Variants in PGS1 observed in about 807,000 individuals in gnomAD.
PGS1 encodes the protein CDP-diacylglycerol--glycerol-3-phosphate 3-phosphatidyltransferase, mitochondrial.
In PGS1, 44 loss-of-function variants were observed where a neutral mutation model predicts 58.3. The ratio of observed to expected loss-of-function variants is 0.75; its 90% CI spans 0.59 to 0.97. The LOEUF (loss-of-function observed/expected upper bound fraction) is 0.97. Ranked by LOEUF, PGS1 falls within the 50% of genes least tolerant of loss-of-function variation. The pLI is 0.00. For missense variants in PGS1, 684 were observed against 731.1 expected, an observed-to-expected ratio of 0.94 and a Z score of 0.74; for synonymous variants, 330 against 311.0, an observed-to-expected ratio of 1.06 and a Z score of -0.64.
intron 7 of PGS1, among the ~76,000 whole-genome samples, chr17:78,406,197 A>C (rs1008199068): frequency 3.4e-4 from 52 of 152,178 alleles, no homozygotes; most frequent in Non-Finnish European, 7.4e-4. Context: ...GGGCGCCTGT[A>C]GTCCCAGCCA....
chr17:78,424,199 G>A lies in PGS1; in HGVS notation c.*149G>A, dbSNP rs1249464859. 1.9e-6 allele frequency: 3 copies of A among 1,568,422 alleles called. No individual in the cohort carries two copies. Among genetic ancestry groups the A allele is most frequent in the Non-Finnish European group, 2.6e-6 (3 of 1,158,660 alleles). ...AGGGTCAGGTGTGCTGCCAGTAAGTGAGGGAGGGGCTGGCAGGAAGGGTGG... is the reference window on the plus strand; with the variant it reads ...AGGGTCAGGTGTGCTGCCAGTAAGTAAGGGAGGGGCTGGCAGGAAGGGTGG... On this transcript the variant is annotated 3_prime_UTR_variant, in exon 10 of 10. Transcript: ENST00000262764.
chr17:78,398,065 T>G lies in PGS1; in HGVS notation c.412-187T>G, dbSNP rs374620646. 4.4e-4 allele frequency: 296 copies of G among 668,570 alleles called. No homozygotes were observed. In the East Asian group the frequency reaches 6.2e-3, roughly 14 times the overall value. The allele number at this position is 668,570 out of a possible 1,614,324, so 41.4% of individuals were successfully genotyped here. A position where few individuals can be genotyped will look rare whatever the true frequency, so the allele number is the denominator to read the frequency against. ...TGGGCCGATCAGGCCCCTGGGTGCT[T>G]CTTCTGATGATCATGAAGGTGCTCT... On this transcript the variant is annotated intron_variant, in intron 3 of 9. Transcript: ENST00000262764.
intron 6 of PGS1, among the ~76,000 whole-genome samples, chr17:78,402,189 C>T (rs901559388): frequency 1.6e-4 from 25 of 152,306 alleles, no homozygotes; most frequent in Admixed American, 1.6e-3. Flanking sequence ...GTAGCCCAGC[C>T]CTGAAAGGCA....
chr17:78,419,043 T>TG (rs2085457228), intron 8 of PGS1, among the ~76,000 whole-genome samples: 1 of 152,070 alleles, frequency 6.6e-6, no homozygotes, highest in South Asian at 2.1e-4. Context: ...AAGGTCTCAC[T>TG]TTGCCACCCA....
intron 7 of PGS1, among the ~76,000 whole-genome samples, chr17:78,413,416 G>A (rs1459780997): frequency 6.6e-6 from 1 of 152,206 alleles, no homozygotes; most frequent in African/African-American, 2.4e-5. Flanking sequence ...ATGCTGGGAT[G>A]AGTGCAGGGC....
At chr17:78,393,454 G>C (rs749830273) in intron 2 of PGS1, among the ~76,000 whole-genome samples, 11 of 152,198 alleles carry the variant, frequency 7.2e-5, no homozygotes, top group Non-Finnish European at 1.2e-4. Context: ...GAGGACCCGT[G>C]GGTCACATGG....
chr17:78,395,540 A>G (rs2083168457), intron 2 of PGS1, among the ~76,000 whole-genome samples: 1 of 152,126 alleles, frequency 6.6e-6, no homozygotes, highest in Admixed American at 6.6e-5. Flanking sequence ...GACCTATGGT[A>G]GCACTGCCAT....
chr17:78,401,329 C>T (rs944311874), intron 6 of PGS1, among the ~76,000 whole-genome samples: 4 of 152,342 alleles, frequency 2.6e-5, no homozygotes, highest in Middle Eastern at 3.4e-3. Context: ...AGCAGCTGTT[C>T]GCCTAGGGCC....
At chr17:78,391,668 G>A (rs997074786) in intron 1 of PGS1, among the ~76,000 whole-genome samples, 4 of 152,068 alleles carry the variant, frequency 2.6e-5, no homozygotes, top group African/African-American at 7.2e-5. Flanking sequence ...AGTAGAGAGG[G>A]GGTTTCACCA....
chr17:78,403,225 C>T (rs2083834172), intron 6 of PGS1, among the ~76,000 whole-genome samples: 1 of 151,750 alleles, frequency 6.6e-6, no homozygotes, highest in Non-Finnish European at 1.5e-5. Flanking sequence ...CCCGTATGTC[C>T]CCCCCAAGGA....
chr17:78,419,881 T>C, intron 9 of PGS1: 2 of 1,304,808 alleles, frequency 1.5e-6, no homozygotes, highest in Non-Finnish European at 2.0e-6. Flanking sequence ...ACTTTCCATC[T>C]GGTACCCACT....
At chr17:78,410,763 C>T (rs879347526) in intron 7 of PGS1, among the ~76,000 whole-genome samples, 6 of 152,024 alleles carry the variant, frequency 3.9e-5, no homozygotes, top group African/African-American at 1.4e-4. Context: ...TGAGCCACTG[C>T]GCCTGGCCGT....
At chr17:78,384,107 T>C (rs901293459) in intron 1 of PGS1, among the ~76,000 whole-genome samples, 4 of 152,190 alleles carry the variant, frequency 2.6e-5, no homozygotes, top group African/African-American at 9.7e-5. Flanking sequence ...GTTATAAATA[T>C]ATTTTGGATT....
At chr17:78,392,383 A>G in intron 1 of PGS1, 93 bp from the exon 2 acceptor site, 1 of 843,020 alleles carries the variant, frequency 1.2e-6, no homozygotes, top group Non-Finnish European at 1.9e-6. Context: ...CCCATCTCCC[A>G]GCCCCTCTTC....
chr17:78,398,367 GCC>G lies in PGS1; in HGVS notation c.511+17_511+18del. The stretch of plus-strand genomic sequence containing the variant: ...GGCTCACGAGGTAGGTGGCATGCAA[GCC>G]TGGCCCCTCCTGCTTCCTGTGTCAG... On this transcript the variant is annotated intron_variant, in intron 4 of 9. Coordinates refer to ENST00000262764, the MANE Select transcript of PGS1 (RefSeq NM_024419.5). 1.9e-6 allele frequency: 3 copies of G among 1,543,496 alleles called. No homozygotes were observed. The highest frequency in any genetic ancestry group is 2.7e-6 in the Non-Finnish European group (3 of 1,115,852).
chr17:78,420,421 C>T (rs903651896), intron 9 of PGS1: 5 of 173,310 alleles, frequency 2.9e-5, no homozygotes, highest in African/African-American at 1.2e-4. Flanking sequence ...TCCTGGATCC[C>T]TCAGGGCCTG....
At chr17:78,385,187 C>G (rs554634488) in intron 1 of PGS1, among the ~76,000 whole-genome samples, 2 of 152,120 alleles carry the variant, frequency 1.3e-5, no homozygotes. Context: ...GGCGCAATCT[C>G]GGCTCACTGC....
chr17:78,418,101 TG>T (rs2085362277), intron 8 of PGS1, among the ~76,000 whole-genome samples: 1 of 151,720 alleles, frequency 6.6e-6, no homozygotes, highest in Non-Finnish European at 1.5e-5. Flanking sequence ...GGCTAATGTT[TG>T]TATTTTTGGT....
At position 78,400,664 on chromosome 17, in the gene PGS1, TC is replaced by T; in HGVS notation, c.702-10del. 1.2e-6 allele frequency: 2 copies of T among 1,613,032 alleles called. No individual in the cohort carries two copies. Among genetic ancestry groups the T allele is most frequent in the Non-Finnish European group, 1.7e-6 (2 of 1,179,436 alleles). Reference sequence around the variant, plus strand: ...GCCTGAGTCCTCCTCACCTGCATCTTCCCTCCCTGTAGTGCAAACCTGAGTG... The same window carrying T: ...GCCTGAGTCCTCCTCACCTGCATCTTCCTCCCTGTAGTGCAAACCTGAGTG... On this transcript the variant is annotated splice_polypyrimidine_tract_variant and intron_variant, in intron 5 of 9. Coordinates refer to ENST00000262764, the MANE Select transcript of PGS1 (RefSeq NM_024419.5). This position sits in a 1 kb window ranked among gnomAD's most constrained non-coding sequence, Gnocchi z 4.4.
Sources: allele counts gnomAD v4.1 joint callset (sites outside exome capture counted in the v4.1 genomes callset), GRCh38; gene constraint gnomAD v4.1.1; non-coding constraint Gnocchi (gnomAD v3.1); transcripts MANE v1.5; gene names NCBI Gene and HGNC (gene_info 2026-07-23, HGNC 2026-07-21).